The following PTPRM variants were observed in gnomAD, a reference collection of about 807,000 sequenced individuals.
PTPRM encodes the protein protein tyrosine phosphatase receptor type M.
A neutral mutation model predicts 186.7 loss-of-function variants in PTPRM; 47 were observed. That is an observed-to-expected ratio of 0.25 (90% CI 0.20 to 0.32). The LOEUF is 0.32. PTPRM is among the 10% of genes least tolerant of loss of function. The pLI, the probability that PTPRM is intolerant of heterozygous loss-of-function variation, is 1.00. For synonymous variants in PTPRM, 668 were observed against 674.9 expected (o/e 0.99, Z 0.16); for missense variants, 1,494 against 1,865.0 (o/e 0.80, Z 3.66).
chr18:7,810,637 A>C (rs1271575213), intron 2 of PTPRM, among the ~76,000 whole-genome samples: 2 of 152,084 alleles, frequency 1.3e-5, no homozygotes, highest in Non-Finnish European at 2.9e-5. Context: ...GGGAGGAGGG[A>C]CAAGGATTTA....
At chr18:8,258,441 G>A (rs74351899) in intron 19 of PTPRM, among the ~76,000 whole-genome samples, 4,926 of 152,248 alleles carry the variant, frequency 0.032, 92 homozygotes, top group South Asian at 0.057. Context: ...AGACAAGGGT[G>A]TGTTGCACCC....
At chr18:8,404,685 G>C (rs2095892885) in intron 32 of PTPRM, 1 of 152,272 alleles carries the variant, frequency 6.6e-6, no homozygotes, top group South Asian at 2.1e-4. Flanking sequence ...GGTTGTGGCT[G>C]TGATGGGTAG....
chr18:8,043,950 A>G (rs1049639876), intron 7 of PTPRM, among the ~76,000 whole-genome samples: 6 of 152,070 alleles, frequency 3.9e-5, no homozygotes, highest in Non-Finnish European at 8.8e-5. Flanking sequence ...TTAAGTTTCT[A>G]CTCTTTGGCA....
At chr18:7,594,351 G>A (rs1377778227) in intron 1 of PTPRM, among the ~76,000 whole-genome samples, 1 of 151,996 alleles carries the variant, frequency 6.6e-6, no homozygotes, top group Non-Finnish European at 1.5e-5. Flanking sequence ...ATGATGGCAG[G>A]TGCCTGTAAT....
At chr18:8,374,773 G>A (rs630525) in intron 24 of PTPRM, among the ~76,000 whole-genome samples, 37,498 of 152,210 alleles carry the variant, frequency 0.25, 5,289 homozygotes, top group Non-Finnish European at 0.32. Context: ...ATGAAGACAT[G>A]TTAACACATG....
chr18:7,671,112 A>G (rs1766697381), intron 1 of PTPRM, among the ~76,000 whole-genome samples: 1 of 152,178 alleles, frequency 6.6e-6, no homozygotes, highest in Admixed American at 6.5e-5. Context: ...TCTCTTTCAC[A>G]TCAGGTCTTT....
chr18:8,186,142 A>G (rs1196198396), intron 14 of PTPRM, among the ~76,000 whole-genome samples: 9 of 152,086 alleles, frequency 5.9e-5, no homozygotes, highest in Non-Finnish European at 1.3e-4. Flanking sequence ...CCTGGCCAAC[A>G]TGGTGAAACC....
At chr18:7,703,970 T>G (rs1005025760) in intron 1 of PTPRM, among the ~76,000 whole-genome samples, 4 of 152,206 alleles carry the variant, frequency 2.6e-5, no homozygotes, top group Non-Finnish European at 5.9e-5. Context: ...TGTGATGGAT[T>G]ATGTTTATGG....
chr18:8,232,824 G>A (rs528598129), intron 14 of PTPRM, among the ~76,000 whole-genome samples: 1 of 152,184 alleles, frequency 6.6e-6, no homozygotes, highest in Admixed American at 6.5e-5. Flanking sequence ...TTGGAAGAAG[G>A]GGTCAGGGGG....
chr18:7,921,268 C>T (rs2050844932), intron 4 of PTPRM, among the ~76,000 whole-genome samples: 1 of 151,792 alleles, frequency 6.6e-6, no homozygotes. Flanking sequence ...AATCTTTTTC[C>T]TTTTCATTTT....
At chr18:8,085,206 A>G (rs564033844) in intron 9 of PTPRM, among the ~76,000 whole-genome samples, 3 of 152,188 alleles carry the variant, frequency 2.0e-5, no homozygotes, top group African/African-American at 7.2e-5. Flanking sequence ...ATTGGAGCAG[A>G]TGTCCTCACC....
chr18:8,332,129 A>G (rs2095415075), intron 22 of PTPRM, among the ~76,000 whole-genome samples: 1 of 152,208 alleles, frequency 6.6e-6, no homozygotes, highest in Non-Finnish European at 1.5e-5. Flanking sequence ...GATTAAATTT[A>G]TCTTTATTAT....
At position 7,596,922 on chromosome 18, in the gene PTPRM, C is replaced by T. The variant is rs546464914; in HGVS notation, c.73+29031C>T. Among the ~76,000 whole-genome samples, 294 of 151,664 alleles carry T rather than the reference C, an allele frequency of 1.9e-3. 1 individual carries two copies. The highest frequency in any genetic ancestry group is 6.7e-3 in the African/African-American group (277 of 41,318). ...AGGCTGGAGTGCATTGGCACAATTT[C>T]GGCTCACTGCAACCTCCGCCTCCCA... On this transcript the variant is annotated intron_variant, in intron 1 of 32. Coordinates refer to ENST00000580170, the MANE Select transcript of PTPRM (RefSeq NM_001105244.2).
chr18:8,142,874 A>T (rs1035104928), intron 13 of PTPRM, among the ~76,000 whole-genome samples: 1 of 152,224 alleles, frequency 6.6e-6, no homozygotes, highest in Non-Finnish European at 1.5e-5. Context: ...CGTATATTTC[A>T]TCAGACATGG....
intron 22 of PTPRM, 31 bp from the exon 23 acceptor site, chr18:8,343,392 A>C: frequency 6.2e-7 from 1 of 1,601,068 alleles, no homozygotes; most frequent in Non-Finnish European, 8.5e-7. Context: ...TTACAACAAA[A>C]ACAAAAAGTT....
chr18:8,333,919 G>A (rs889913638), intron 22 of PTPRM, among the ~76,000 whole-genome samples: 6 of 152,172 alleles, frequency 3.9e-5, no homozygotes, highest in African/African-American at 1.2e-4. Context: ...CTGGTGATGC[G>A]CTCAAACGGG....
intron 14 of PTPRM, among the ~76,000 whole-genome samples, chr18:8,204,875 A>G (rs898747851): frequency 6.6e-6 from 1 of 152,146 alleles, no homozygotes; most frequent in African/African-American, 2.4e-5. Flanking sequence ...AGGGTTTGTG[A>G]TACTTCTGGT....
chr18:7,998,460 C>T (rs2083672053), intron 7 of PTPRM, among the ~76,000 whole-genome samples: 1 of 151,960 alleles, frequency 6.6e-6, no homozygotes, highest in Admixed American at 6.6e-5. Context: ...ATGTACTCCA[C>T]AATTATGTGA....
chr18:8,291,811 A>G (rs1407466158), intron 19 of PTPRM, among the ~76,000 whole-genome samples: 2 of 151,894 alleles, frequency 1.3e-5, no homozygotes, highest in East Asian at 1.9e-4. Flanking sequence ...GGCACATTTT[A>G]CTGTTGTGTT....
Sources: gnomAD v4.1 joint callset for allele counts (sites outside exome capture counted in the v4.1 genomes callset) on GRCh38, gnomAD v4.1.1 for gene constraint, MANE v1.5 for transcripts, NCBI Gene and HGNC (gene_info 2026-07-23, HGNC 2026-07-21) for gene names.